FAT3: variants seen among roughly 807,000 people sequenced by gnomAD.
The protein encoded by FAT3 is FAT atypical cadherin 3, also known as protocadherin Fat 3.
A neutral mutation model predicts 310.2 loss-of-function variants in FAT3; 95 were observed. The ratio of observed to expected loss-of-function variants is 0.31; its 90% confidence interval spans 0.26 to 0.36. The LOEUF is 0.36. Ranked by LOEUF, FAT3 falls within the 10% of genes least tolerant of loss-of-function variation. FAT3 has a pLI of 1.00. For missense variants in FAT3, 5,408 were observed against 5,715.6 expected, an observed-to-expected ratio of 0.95 and a Z score of 1.74; for synonymous variants, 2,314 against 2,192.9, an observed-to-expected ratio of 1.06 and a Z score of -1.54.
At chr11:92,361,816 C>T (rs561616572) in intron 2 of FAT3, among the ~76,000 whole-genome samples, 2 of 152,214 alleles carry the variant, frequency 1.3e-5, no homozygotes, top group Non-Finnish European at 2.9e-5. Context: ...TTACATTAAT[C>T]GAGCACTGCC....
chr11:92,368,828 G>GTATATATATATATATATA (rs1565263475), intron 2 of FAT3, among the ~76,000 whole-genome samples: 12 of 108,132 alleles, frequency 1.1e-4, no homozygotes, highest in African/African-American at 6.3e-4. Flanking sequence ...ATGTTTGTGT[G>GTATATATATATATATATA]TATACATATA....
At chr11:92,552,694 T>C (rs973340061) in intron 3 of FAT3, among the ~76,000 whole-genome samples, 2 of 152,172 alleles carry the variant, frequency 1.3e-5, no homozygotes, top group Non-Finnish European at 2.9e-5. Flanking sequence ...TTTGTTGACA[T>C]TTTTGCTGTA....
At chr11:92,577,416 CTTTTT>C (rs944367769) in intron 3 of FAT3, among the ~76,000 whole-genome samples, 2 of 151,860 alleles carry the variant, frequency 1.3e-5, no homozygotes, top group African/African-American at 4.8e-5. Flanking sequence ...CCTATTTTTT[CTTTTT>C]AAGTATTATT....
chr11:92,357,159 T>C (rs1948755019), intron 2 of FAT3, among the ~76,000 whole-genome samples: 1 of 152,202 alleles, frequency 6.6e-6, no homozygotes, highest in African/African-American at 2.4e-5. Flanking sequence ...AATACTTTAC[T>C]ACTAATAACA....
chr11:92,520,624 A>C (rs543355190), intron 2 of FAT3, among the ~76,000 whole-genome samples: 1 of 152,242 alleles, frequency 6.6e-6, no homozygotes, highest in South Asian at 2.1e-4. Flanking sequence ...GTGGATTTAC[A>C]TTCTTAGCTG....
intron 1 of FAT3, among the ~76,000 whole-genome samples, chr11:92,315,136 T>A (rs1565220430): frequency 1.3e-5 from 2 of 151,646 alleles, no homozygotes; most frequent in African/African-American, 2.4e-5. Context: ...ATCCTGTGAA[T>A]AACCTTGAGA....
chr11:92,786,958 A>G (rs1336526265), intron 7 of FAT3, among the ~76,000 whole-genome samples: 2 of 152,184 alleles, frequency 1.3e-5, no homozygotes, highest in Non-Finnish European at 2.9e-5. Context: ...GGGTTTCTCC[A>G]CAGCAACACT....
At chr11:92,374,360 A>G (rs1949283217) in intron 2 of FAT3, among the ~76,000 whole-genome samples, 1 of 152,246 alleles carries the variant, frequency 6.6e-6, no homozygotes, top group Admixed American at 6.5e-5. Context: ...TCAAGTGCTA[A>G]GCAGAAAAAT....
chr11:92,535,440 G>T (rs554828675), intron 3 of FAT3, among the ~76,000 whole-genome samples: 23 of 152,248 alleles, frequency 1.5e-4, no homozygotes, highest in African/African-American at 5.5e-4. Context: ...TGTGGTGCTT[G>T]GTTACAGCAG....
intron 2 of FAT3, among the ~76,000 whole-genome samples, chr11:92,449,983 T>A (rs555212620): frequency 6.6e-6 from 1 of 152,320 alleles, no homozygotes; most frequent in Admixed American, 6.5e-5. Flanking sequence ...TTGAACTTGC[T>A]TTTTCTGAAA....
chr11:92,405,048 C>T (rs2134886068), intron 2 of FAT3, among the ~76,000 whole-genome samples: 1 of 152,256 alleles, frequency 6.6e-6, no homozygotes, highest in Non-Finnish European at 1.5e-5. Flanking sequence ...CCCCCATAAT[C>T]ATGCAAGCCA....
intron 4 of FAT3, among the ~76,000 whole-genome samples, chr11:92,704,921 A>G (rs1256411838): frequency 6.6e-6 from 1 of 152,168 alleles, no homozygotes; most frequent in Non-Finnish European, 1.5e-5. Flanking sequence ...AATACAGTAG[A>G]AAAACCTCTG....
intron 2 of FAT3, among the ~76,000 whole-genome samples, chr11:92,376,804 G>A (rs1458492192): frequency 2.6e-5 from 4 of 152,152 alleles, no homozygotes; most frequent in African/African-American, 9.7e-5. Context: ...GGCAAATTTT[G>A]AATAGACATA....
Position 92,353,223 on chromosome 11 carries a change from A to C in FAT3, c.1111A>C (p.Thr371Pro), listed in dbSNP as rs377094861. ...CTACATTGGCAACCCCACAAGAGACACTGTCCCCATTAGATTTGAAAAAGA... is the reference window on the plus strand; with the variant it reads ...CTACATTGGCAACCCCACAAGAGACCCTGTCCCCATTAGATTTGAAAAAGA... ...AVYIGNPTRD[T>P]VPIRFEKEVY... Residue 371 changes from threonine to proline, a missense_variant, in exon 2 of 28, where the codon ACT becomes CCT. By Grantham distance (38) the Thr-to-Pro change is conservative. Transcript: ENST00000525166. The C allele has an allele frequency of 2.0e-5, 33 of 1,613,674 alleles. No individual in the cohort carries two copies. Among genetic ancestry groups the C allele is most frequent in the Non-Finnish European group, 2.4e-5 (28 of 1,179,872 alleles).
At chr11:92,879,384 G>T (rs775986116) in intron 22 of FAT3, among the ~76,000 whole-genome samples, 12 of 152,292 alleles carry the variant, frequency 7.9e-5, no homozygotes, top group Non-Finnish European at 1.6e-4. Flanking sequence ...CAGTCAGAGG[G>T]CCTCAGGAGA....
At chr11:92,368,828 G>GTATATATATATATATA (rs1565263475) in intron 2 of FAT3, among the ~76,000 whole-genome samples, 9 of 108,140 alleles carry the variant, frequency 8.3e-5, no homozygotes, top group African/African-American at 3.4e-4. Context: ...ATGTTTGTGT[G>GTATATATATATATATA]TATACATATA....
chr11:92,489,106 G>C (rs542472254), intron 2 of FAT3, among the ~76,000 whole-genome samples: 16 of 152,076 alleles, frequency 1.1e-4, no homozygotes, highest in African/African-American at 3.9e-4. Flanking sequence ...TGTTACTCTT[G>C]TGATCTCTCA....
chr11:92,597,419 C>T (rs1185768976), intron 3 of FAT3, among the ~76,000 whole-genome samples: 3 of 152,180 alleles, frequency 2.0e-5, no homozygotes, highest in Non-Finnish European at 2.9e-5. Flanking sequence ...CGGACAGTCA[C>T]GATGTAAACT....
chr11:92,412,704 T>TAG (rs1484297111), intron 2 of FAT3, among the ~76,000 whole-genome samples: 1 of 16,474 alleles, frequency 6.1e-5, no homozygotes, highest in Non-Finnish European at 1.4e-4. Flanking sequence ...ATGGTGGTGA[T>TAG]ATATATATAT....
Sources: gnomAD v4.1 joint callset for allele counts (sites outside exome capture counted in the v4.1 genomes callset) on GRCh38, gnomAD v4.1.1 for gene constraint, MANE v1.5 for transcripts, NCBI Gene and HGNC (gene_info 2026-07-23, HGNC 2026-07-21) for gene names.